FSCN2: variants seen among roughly 807,000 people sequenced by gnomAD.
FSCN2 encodes the protein fascin actin-bundling protein 2, retinal, also known as fascin-2.
A neutral mutation model predicts 37.8 loss-of-function variants in FSCN2; 46 were observed. That is an observed-to-expected ratio of 1.22 (90% CI 0.96 to 1.56). The LOEUF (loss-of-function observed/expected upper bound fraction) is 1.56. Among genes scored for constraint, FSCN2 ranks in the 40% most tolerant of loss-of-function variants. The probability of loss-of-function intolerance (pLI) is 0.00; values close to 1 mark genes in which losing one functional copy is unlikely to be tolerated. For synonymous variants in FSCN2, 351 were observed against 309.4 expected, an observed-to-expected ratio of 1.13 and a Z score of -1.41; for missense variants, 844 against 730.4, an observed-to-expected ratio of 1.16 and a Z score of -1.79.
intron 1 of FSCN2, 27 bp from the exon 2 acceptor site, chr17:81,535,025 A>G: frequency 6.6e-7 from 1 of 1,508,320 alleles, no homozygotes; most frequent in Non-Finnish European, 8.8e-7. Context: ...GAGAGGCGTG[A>G]GGGGCTTCCC....
At chr17:81,533,736 T>C (rs2032768678) in intron 1 of FSCN2, among the ~76,000 whole-genome samples, 2 of 152,182 alleles carry the variant, frequency 1.3e-5, no homozygotes. Context: ...CGGACTCCAC[T>C]CCTCTCCTAT....
At chr17:81,516,571 A>G in the FSCN2 span, among the ~76,000 whole-genome samples, 1 of 151,906 alleles carries the variant, frequency 6.6e-6, no homozygotes, top group Non-Finnish European at 1.5e-5. Context: ...CTTCAGGAAC[A>G]GTGGTCCCAA....
intron 1 of FSCN2, 88 bp from the exon 2 acceptor site, chr17:81,534,964 G>A: frequency 2.1e-6 from 2 of 952,464 alleles, no homozygotes; most frequent in South Asian, 1.8e-5. Context: ...ACCCACCTCT[G>A]GCTTCAGGGG....
upstream of FSCN2, among the ~76,000 whole-genome samples, chr17:81,524,916 CACA>C (rs2032303524): frequency 6.7e-6 from 1 of 149,820 alleles, no homozygotes; most frequent in Non-Finnish European, 1.5e-5. Flanking sequence ...CACACACACA[CACA>C]CCACACTCAC....
rs782489845 is a variant in FSCN2, at chr17:81,528,908, C to T, written c.377C>T (p.Ser126Phe). Residue 126 changes from serine (S) to phenylalanine (F), a missense_variant, in exon 1 of 5, where the codon TCC (serine) becomes TTC (phenylalanine). Transcript: ENST00000417245. ...CTGTCCTGCTTCGCCACAGCCGTTTCCCCGGCCGAGCTGTGGACCGTGCAC... is the reference window on the plus strand; with the variant it reads ...CTGTCCTGCTTCGCCACAGCCGTTTTCCCGGCCGAGCTGTGGACCGTGCAC... ...DQLSCFATAV[S>F]PAELWTVHLA... is the part of the protein sequence containing the mutation. The T allele has an allele frequency of 4.8e-5, 76 of 1,587,580 alleles. No homozygotes were observed. The highest frequency in any genetic ancestry group is 1.4e-4 in the Admixed American group (8 of 57,970).
In FSCN2 at chr17:81,535,184, G is replaced by A. The variant is rs2032807355; in HGVS notation, c.959G>A (p.Gly320Asp). 6.5e-7 allele frequency: 1 copy of A among 1,532,188 alleles called. No individual in the cohort carries two copies. Among genetic ancestry groups the A allele is most frequent in the Non-Finnish European group, 8.7e-7 (1 of 1,144,762 alleles). The allele number at this position is 1,532,188 out of a possible 1,614,324, so 94.9% of individuals were successfully genotyped here. ...GGYWTLVTHGGIHATATQVSA... is the reference protein window; with the variant it reads ...GGYWTLVTHGDIHATATQVSA... The stretch of plus-strand genomic sequence containing the variant: ...TACTGGACCCTGGTCACCCATGGGG[G>A]CATTCACGCCACAGCCACACAAGTG... Residue 320 changes from glycine to aspartate, a missense_variant, in exon 2 of 5, where the codon GGC becomes GAC. Physicochemically the swap from Gly to Asp is moderately conservative, Grantham distance 94 (BLOSUM62 -1). Transcript: ENST00000417245.
At chr17:81,519,921 G>C in the FSCN2 span, among the ~76,000 whole-genome samples, 1 of 152,196 alleles carries the variant, frequency 6.6e-6, no homozygotes, top group Non-Finnish European at 1.5e-5. Flanking sequence ...CCCCTGCTAA[G>C]CACCAGCTCC....
At chr17:81,522,705 C>T in the FSCN2 span, among the ~76,000 whole-genome samples, 3 of 152,208 alleles carry the variant, frequency 2.0e-5, no homozygotes, top group Non-Finnish European at 4.4e-5. Context: ...CAGAGGCCGC[C>T]ACCTGCAGAC....
intron 1 of FSCN2, among the ~76,000 whole-genome samples, chr17:81,531,612 A>AT (rs1319724046): frequency 2.7e-5 from 3 of 111,316 alleles, no homozygotes; most frequent in African/African-American, 1.1e-4. Flanking sequence ...GATAATGGTG[A>AT]TGATGGTGAT....
Position 81,528,834 on chromosome 17 carries a change from G to T in FSCN2, c.303G>T (p.Val101=). 2 of 1,555,450 alleles carry T rather than the reference G, an allele frequency of 1.3e-6. No homozygotes were observed. Among genetic ancestry groups the T allele is most frequent in the Admixed American group, 1.9e-5 (1 of 52,132 alleles). ...TGCCGCAGCCAGATGGGCGCTGGGTGCTGCGGTCCGAGCCGCACGGCCGCT... is the reference window on the plus strand; with the variant it reads ...TGCCGCAGCCAGATGGGCGCTGGGTTCTGCGGTCCGAGCCGCACGGCCGCT... ...LVLPQPDGRW[V]LRSEPHGRFF... Residue 101 remains valine, a synonymous_variant, in exon 1 of 5, where the codon GTG becomes GTT. Transcript: ENST00000417245.
upstream of FSCN2, among the ~76,000 whole-genome samples, chr17:81,527,992 G>A (rs980711611): frequency 1.3e-5 from 2 of 152,116 alleles, no homozygotes; most frequent in Admixed American, 6.5e-5. Context: ...GCCACCGAGG[G>A]TACGGGCGGC....
At chr17:81,531,312 G>GTGGTGA (rs1568077099) in intron 1 of FSCN2, among the ~76,000 whole-genome samples, 1 of 59,950 alleles carries the variant, frequency 1.7e-5, no homozygotes, top group Admixed American at 1.7e-4. Context: ...GATGGTGGTG[G>GTGGTGA]TGGTGATGAT....
rs761376570 is a variant in FSCN2 at position 81,536,602 on chromosome 17, G to GCA, written c.1106-19_1106-18dup. Reference sequence around the variant, plus strand: ...GGAAGGTGGCGGGAGGGGCAGCGCAGCAGACGCTCTCCCCGCCAGGCAAGG... The same window carrying GCA: ...GGAAGGTGGCGGGAGGGGCAGCGCAGCACAGACGCTCTCCCCGCCAGGCAAGG... On this transcript the variant is annotated intron_variant, in intron 3 of 4. Coordinates refer to ENST00000417245, the MANE Select transcript of FSCN2 (RefSeq NM_012418.4). 1 of 1,606,172 alleles carries GCA rather than the reference G, an allele frequency of 6.2e-7. No homozygotes were observed. The highest frequency in any genetic ancestry group is 8.5e-7 in the Non-Finnish European group (1 of 1,179,472).
intron 1 of FSCN2, chr17:81,530,577 C>A (rs782008828): frequency 1.9e-6 from 1 of 512,920 alleles, no homozygotes; most frequent in Non-Finnish European, 3.9e-6. Flanking sequence ...CCTCCCAACT[C>A]AGGTCCTTCC....
chr17:81,525,700 G>A (rs2032330712), upstream of FSCN2, among the ~76,000 whole-genome samples: 1 of 152,204 alleles, frequency 6.6e-6, no homozygotes, highest in African/African-American at 2.4e-5. Context: ...ACTCCAGCCT[G>A]GGTGACAGTG....
At chr17:81,517,582 G>T in the FSCN2 span, among the ~76,000 whole-genome samples, 1 of 152,152 alleles carries the variant, frequency 6.6e-6, no homozygotes. Context: ...CAGGGTGCCT[G>T]CTCCTCCCTC....
chr17:81,531,177 GTGATGA>G, intron 1 of FSCN2, among the ~76,000 whole-genome samples: 1 of 145,856 alleles, frequency 6.9e-6, no homozygotes, highest in Non-Finnish European at 1.5e-5. Context: ...GGTGGTGATG[GTGATGA>G]TGGTGGTGAT....
chr17:81,536,343 C>G (rs960885902), intron 3 of FSCN2, 76 bp downstream of exon 3: 10 of 1,523,728 alleles, frequency 6.6e-6, no homozygotes, highest in Non-Finnish European at 8.8e-6. Context: ...GACACCCCAT[C>G]TCCACCAAGA....
At position 81,536,751 on chromosome 17, in the gene FSCN2, T is replaced by C. The variant is rs777898065; in HGVS notation, c.1235T>C (p.Phe412Ser). The part of the protein sequence containing the change: ...LDTNRSVYDV[F>S]HLSFSDGAYR... ...ACCAACCGCTCCGTCTACGACGTCT[T>C]CCACCTGAGCTTCAGCGACGGCGCC... is the stretch of plus-strand genomic sequence containing the variant. Residue 412 changes from phenylalanine (F) to serine (S), a missense_variant, in exon 4 of 5, where the codon TTC (phenylalanine) becomes TCC (serine). Transcript: ENST00000417245. 6.2e-7 allele frequency: 1 copy of C among 1,607,416 alleles called. No individual in the cohort carries two copies. Among genetic ancestry groups the C allele is most frequent in the African/African-American group, 1.3e-5 (1 of 74,706 alleles).
Sources: allele counts gnomAD v4.1 joint callset (sites outside exome capture counted in the v4.1 genomes callset), GRCh38; gene constraint gnomAD v4.1.1; transcripts MANE v1.5; gene names NCBI Gene and HGNC (gene_info 2026-07-23, HGNC 2026-07-21).